The following TENM3 variants were observed in gnomAD, a reference collection of about 807,000 sequenced individuals.
The protein encoded by TENM3 is teneurin-3.
A neutral mutation model predicts 255.1 loss-of-function variants in TENM3; 63 were observed. The ratio of observed to expected loss-of-function variants is 0.25; its 90% confidence interval spans 0.20 to 0.30. The LOEUF is 0.30. TENM3 is among the 10% of genes least tolerant of loss of function. The pLI, the probability that TENM3 is intolerant of heterozygous loss-of-function variation, is 1.00. For missense variants in TENM3, 2,929 were observed against 3,461.1 expected, an observed-to-expected ratio of 0.85 and a Z score of 3.86; for synonymous variants, 1,306 against 1,322.3, an observed-to-expected ratio of 0.99 and a Z score of 0.27.
chr4:181,915,713 G>A, the TENM3 span, among the ~76,000 whole-genome samples: 1 of 151,510 alleles, frequency 6.6e-6, no homozygotes, highest in Non-Finnish European at 1.5e-5. Flanking sequence ...GAGAAAAGAG[G>A]AGGGGAGAGG....
the TENM3 span, among the ~76,000 whole-genome samples, chr4:182,095,351 A>G: frequency 6.6e-6 from 1 of 152,260 alleles, no homozygotes; most frequent in Admixed American, 6.5e-5. Flanking sequence ...ACAATGGAAT[A>G]TTATTTAGCC....
At chr4:182,604,016 G>T (rs1748167916) in intron 4 of TENM3, among the ~76,000 whole-genome samples, 2 of 151,994 alleles carry the variant, frequency 1.3e-5, no homozygotes, top group Non-Finnish European at 2.9e-5. Context: ...TATGTGAATT[G>T]CTGGAAAAGG....
chr4:182,345,024 T>G (rs1276059803), intron 2 of TENM3, among the ~76,000 whole-genome samples: 4 of 152,346 alleles, frequency 2.6e-5, no homozygotes, highest in Non-Finnish European at 4.4e-5. Flanking sequence ...CTTTTACTCT[T>G]CTTTTGACAT....
chr4:181,547,274 A>C, the TENM3 span, among the ~76,000 whole-genome samples: 1 of 152,206 alleles, frequency 6.6e-6, no homozygotes, highest in Non-Finnish European at 1.5e-5. Context: ...ACTCATACAA[A>C]TATCCAAAGT....
At chr4:181,927,741 A>T in the TENM3 span, among the ~76,000 whole-genome samples, 12 of 152,356 alleles carry the variant, frequency 7.9e-5, no homozygotes, top group East Asian at 2.3e-3. Context: ...GACACCTCCC[A>T]GCACGGGTCG....
At chr4:181,452,788 C>G in the TENM3 span, among the ~76,000 whole-genome samples, 1 of 152,156 alleles carries the variant, frequency 6.6e-6, no homozygotes, top group Non-Finnish European at 1.5e-5. Context: ...CTAACACTTT[C>G]ATTTAACAGA....
chr4:182,691,574 T>C (rs1757008894), intron 12 of TENM3, among the ~76,000 whole-genome samples: 2 of 152,230 alleles, frequency 1.3e-5, no homozygotes, highest in Admixed American at 1.3e-4. Flanking sequence ...CTGATATTTT[T>C]ATTAGAGTAT....
At chr4:182,625,577 G>A (rs1001392461) in intron 4 of TENM3, among the ~76,000 whole-genome samples, 2 of 152,130 alleles carry the variant, frequency 1.3e-5, no homozygotes, top group East Asian at 1.9e-4. Flanking sequence ...TAAAGTAAGC[G>A]AATTGTCCCA....
At chr4:182,717,898 A>T (rs1579219295) in intron 13 of TENM3, among the ~76,000 whole-genome samples, 1 of 152,174 alleles carries the variant, frequency 6.6e-6, no homozygotes, top group Non-Finnish European at 1.5e-5. Flanking sequence ...AGAGAATAGG[A>T]AGGTGAAGAG....
the TENM3 span, among the ~76,000 whole-genome samples, chr4:182,017,881 AATTT>A: frequency 6.6e-6 from 1 of 152,218 alleles, no homozygotes; most frequent in African/African-American, 2.4e-5. Context: ...GTCACTTTAT[AATTT>A]ATTGGCAATG....
rs1753029098 is a variant in TENM3 at position 182,649,147 on chromosome 4, AAT to A, written c.989-4621_989-4620del. 4.5e-5 allele frequency among the ~76,000 whole-genome samples: 6 copies of A among 134,710 alleles called. No individual in the cohort carries two copies. The South Asian group carries it at 1.6e-3, about 36-fold the overall frequency. The allele number at this position is 134,710 out of a possible 152,430, so 88.4% of individuals were successfully genotyped here. ...CTTCACCACCATTTCTGAGATTTTT[AAT>A]ATGAGAAAATACATCCCAATTCCAG... On this transcript the variant is annotated intron_variant, in intron 5 of 27. Coordinates refer to ENST00000511685, the MANE Select transcript of TENM3 (RefSeq NM_001080477.4).
intron 2 of TENM3, among the ~76,000 whole-genome samples, chr4:182,336,506 CCTT>C (rs1419531847): frequency 6.6e-6 from 1 of 152,188 alleles, no homozygotes; most frequent in East Asian, 1.9e-4. Context: ...TGAAGGAACA[CCTT>C]CTGATTTTCA....
At chr4:182,573,399 C>G (rs1580983952) in intron 3 of TENM3, among the ~76,000 whole-genome samples, 1 of 152,198 alleles carries the variant, frequency 6.6e-6, no homozygotes, top group East Asian at 1.9e-4. Context: ...GTATATTCCT[C>G]AGAACAAACA....
At chr4:182,621,780 TA>T (rs1311514262) in intron 4 of TENM3, among the ~76,000 whole-genome samples, 13 of 60,948 alleles carry the variant, frequency 2.1e-4, no homozygotes, top group African/African-American at 7.4e-4. Context: ...ATATTATATA[TA>T]ATTATATATA....
intron 12 of TENM3, among the ~76,000 whole-genome samples, chr4:182,698,866 A>C (rs1757634772): frequency 6.6e-6 from 1 of 152,122 alleles, no homozygotes; most frequent in Non-Finnish European, 1.5e-5. Context: ...GAAACGTTAG[A>C]TGTGTTTTTT....
At chr4:182,016,584 A>G in the TENM3 span, among the ~76,000 whole-genome samples, 2 of 152,166 alleles carry the variant, frequency 1.3e-5, no homozygotes, top group Non-Finnish European at 2.9e-5. Context: ...AGAAGGTCTG[A>G]TAAGATCCAC....
At chr4:181,587,196 T>C in the TENM3 span, among the ~76,000 whole-genome samples, 2 of 152,178 alleles carry the variant, frequency 1.3e-5, no homozygotes, top group African/African-American at 4.8e-5. Context: ...CTCTCCTTAT[T>C]CCTAGAGCTG....
At chr4:181,724,953 T>A in the TENM3 span, among the ~76,000 whole-genome samples, 1 of 152,234 alleles carries the variant, frequency 6.6e-6, no homozygotes, top group African/African-American at 2.4e-5. Context: ...AGAGGTGTTC[T>A]CAGCATTCAA....
intron 5 of TENM3, among the ~76,000 whole-genome samples, chr4:182,638,484 T>C (rs1326220000): frequency 6.6e-6 from 1 of 151,320 alleles, no homozygotes; most frequent in African/African-American, 2.4e-5. Flanking sequence ...AATCTTACTC[T>C]GAGGCCCCCC....
Sources: allele counts gnomAD v4.1 joint callset (sites outside exome capture counted in the v4.1 genomes callset), GRCh38; gene constraint gnomAD v4.1.1; transcripts MANE v1.5; gene names NCBI Gene and HGNC (gene_info 2026-07-23, HGNC 2026-07-21).